Variants in CEP112 observed in about 807,000 individuals in gnomAD.
CEP112 encodes centrosomal protein 112, also known as centrosomal protein of 112 kDa.
Under a neutral mutation model 153.0 loss-of-function variants are expected in CEP112, and 127 were observed. The observed-to-expected ratio is 0.83, with a 90% CI of 0.72 to 0.96. CEP112 has a LOEUF of 0.96. Ranked by LOEUF, CEP112 falls within the 40% of genes least tolerant of loss-of-function variation. CEP112 has a pLI of 0.00. For missense variants in CEP112, 1,089 were observed against 1,101.2 expected (o/e 0.99, Z 0.16); for synonymous variants, 358 against 374.4 (o/e 0.96, Z 0.51).
intron 17 of CEP112, among the ~76,000 whole-genome samples, chr17:65,997,519 A>G (rs936757655): frequency 2.6e-5 from 4 of 152,246 alleles, no homozygotes; most frequent in Non-Finnish European, 2.9e-5. Context: ...AACTGAAAGC[A>G]TCTCAGGACC....
intron 4 of CEP112, among the ~76,000 whole-genome samples, chr17:66,134,938 C>T (rs1260419736): frequency 6.6e-6 from 1 of 152,162 alleles, no homozygotes; most frequent in Non-Finnish European, 1.5e-5. Flanking sequence ...GCTGTGATCC[C>T]AGAGTTCTGT....
At chr17:66,122,990 G>A (rs1167872381) in intron 6 of CEP112, among the ~76,000 whole-genome samples, 1 of 152,146 alleles carries the variant, frequency 6.6e-6, no homozygotes, top group Non-Finnish European at 1.5e-5. Context: ...ATTTCTTTGA[G>A]GAGAGCTTCT....
In CEP112 at chr17:66,151,869, C is replaced by T. The variant is rs895447264; in HGVS notation, c.471-19106G>A. Among the ~76,000 whole-genome samples, 5 of 151,856 alleles carry T rather than the reference C, an allele frequency of 3.3e-5. 1 individual carries two copies. Among genetic ancestry groups the T allele is most frequent in the Admixed American group, 1.3e-4 (2 of 15,244 alleles). ...TTATAGGAGAACCTAAGCCAGAAAA[C>T]CCAGCTAAGCCATGTCCATGAGAAA... is the stretch of plus-strand genomic sequence containing the variant. On this transcript the variant is annotated intron_variant, in intron 4 of 26. Transcript: ENST00000535342.
At chr17:65,727,288 T>G (rs1048442654) in intron 23 of CEP112, among the ~76,000 whole-genome samples, 11 of 152,216 alleles carry the variant, frequency 7.2e-5, no homozygotes, top group Admixed American at 3.9e-4. Flanking sequence ...ACATTGATGT[T>G]CTATGAATTC....
chr17:65,812,091 C>T (rs998815609), intron 21 of CEP112, among the ~76,000 whole-genome samples: 29 of 151,988 alleles, frequency 1.9e-4, no homozygotes, highest in Admixed American at 1.6e-3. Context: ...GCAAGCTCCA[C>T]CTCCCGGGTT....
chr17:66,070,873 G>C (rs1164644112), intron 8 of CEP112, among the ~76,000 whole-genome samples: 5 of 152,036 alleles, frequency 3.3e-5, no homozygotes, highest in Non-Finnish European at 5.9e-5. Flanking sequence ...TTGTGACTTT[G>C]AGCAAGTGAC....
At chr17:65,715,331 G>C (rs977881366) in intron 23 of CEP112, among the ~76,000 whole-genome samples, 5 of 152,126 alleles carry the variant, frequency 3.3e-5, no homozygotes, top group African/African-American at 4.8e-5. Flanking sequence ...TTGTAGGAGT[G>C]AGTGAGTTTG....
intron 15 of CEP112, 66 bp from the exon 16 acceptor site, chr17:66,027,626 C>A: frequency 9.6e-7 from 1 of 1,036,342 alleles, no homozygotes; most frequent in Admixed American, 4.0e-5. Context: ...AAATTAGCAA[C>A]CTAATTAAAT....
intron 23 of CEP112, among the ~76,000 whole-genome samples, chr17:65,689,728 T>C (rs1471413854): frequency 1.3e-5 from 2 of 152,124 alleles, no homozygotes; most frequent in African/African-American, 2.4e-5. Context: ...CTTGAGGAAC[T>C]TGTAAGAAAT....
chr17:65,687,886 T>C (rs994730413), intron 24 of CEP112, among the ~76,000 whole-genome samples: 3 of 152,216 alleles, frequency 2.0e-5, no homozygotes. Flanking sequence ...AACCAATGTA[T>C]AAACATCTGT....
chr17:65,970,107 G>A (rs866669661), intron 17 of CEP112, among the ~76,000 whole-genome samples: 1 of 152,166 alleles, frequency 6.6e-6, no homozygotes, highest in Admixed American at 6.5e-5. Flanking sequence ...TGTATGCATA[G>A]CACATGCATA....
chr17:65,967,593 A>G (rs1318880935), intron 17 of CEP112, among the ~76,000 whole-genome samples: 1 of 152,228 alleles, frequency 6.6e-6, no homozygotes. Flanking sequence ...AAATCTTGTG[A>G]CAAATTTTAA....
intron 21 of CEP112, among the ~76,000 whole-genome samples, chr17:65,813,417 T>C (rs2056091061): frequency 2.0e-5 from 3 of 152,170 alleles, no homozygotes; most frequent in African/African-American, 7.2e-5. Flanking sequence ...CAAGCATGAA[T>C]TGGTTCATAA....
rs539619540 is a variant in CEP112, at chr17:65,757,671, G to T, written c.2395-6947C>A. ...TAAAATTAACTGATCAACTTTTGTG[G>T]TTTTTACTATTAATATTTTCTTCAG... is the stretch of plus-strand genomic sequence containing the variant. On this transcript the variant is annotated intron_variant, in intron 21 of 26. Transcript: ENST00000535342. 2.6e-5 allele frequency among the ~76,000 whole-genome samples: 4 copies of T among 152,260 alleles called. No homozygotes were observed. The South Asian group carries it at 8.3e-4, about 32-fold the overall frequency.
chr17:65,822,954 C>A (rs2056660431), intron 21 of CEP112, among the ~76,000 whole-genome samples: 2 of 151,900 alleles, frequency 1.3e-5, no homozygotes, highest in South Asian at 4.1e-4. Flanking sequence ...TAGCAAAGAA[C>A]AATTGGGAAT....
intron 23 of CEP112, among the ~76,000 whole-genome samples, chr17:65,701,196 T>A (rs895587229): frequency 1.3e-5 from 2 of 152,142 alleles, no homozygotes; most frequent in South Asian, 2.1e-4. Context: ...TGTGCCGGGA[T>A]GGCAGCAGAG....
intron 23 of CEP112, among the ~76,000 whole-genome samples, chr17:65,721,012 T>C (rs962305933): frequency 0.071 from 9,779 of 136,816 alleles, 196 homozygotes; most frequent in South Asian, 0.093. Flanking sequence ...TCTCTCTCTT[T>C]TTTTTTTTTT....
chr17:65,872,347 T>C (rs1213630075), intron 20 of CEP112, among the ~76,000 whole-genome samples: 1 of 152,074 alleles, frequency 6.6e-6, no homozygotes, highest in Non-Finnish European at 1.5e-5. Context: ...TCATAATACA[T>C]GATTATTACA....
At chr17:65,800,799 C>T (rs2055224417) in intron 21 of CEP112, among the ~76,000 whole-genome samples, 1 of 152,036 alleles carries the variant, frequency 6.6e-6, no homozygotes, top group Non-Finnish European at 1.5e-5. Flanking sequence ...TTAATACAGC[C>T]ATCCTAGGGG....
Sources: allele counts gnomAD v4.1 joint callset (sites outside exome capture counted in the v4.1 genomes callset), GRCh38; gene constraint gnomAD v4.1.1; transcripts MANE v1.5; gene names NCBI Gene and HGNC (gene_info 2026-07-23, HGNC 2026-07-21).